The following PPP1R1C variants were observed in gnomAD, a reference collection of about 807,000 sequenced individuals.
The protein encoded by PPP1R1C is protein phosphatase 1 regulatory inhibitor subunit 1C.
A neutral mutation model predicts 17.4 loss-of-function variants in PPP1R1C; 15 were observed. The observed-to-expected ratio is 0.86, with a 90% CI of 0.58 to 1.33. The LOEUF is 1.33. Among genes scored for constraint, PPP1R1C ranks in the 40% most tolerant of loss-of-function variants. PPP1R1C has a pLI of 0.00. For missense variants in PPP1R1C, 143 were observed against 130.0 expected (o/e 1.10, Z -0.48); for synonymous variants, 35 against 43.1 (o/e 0.81, Z 0.73).
chr2:182,009,334 G>A (rs1466531673), intron 2 of PPP1R1C, among the ~76,000 whole-genome samples: 1 of 152,138 alleles, frequency 6.6e-6, no homozygotes, highest in Non-Finnish European at 1.5e-5. Context: ...TAACTGGCAT[G>A]AGATGATATC....
At chr2:182,052,083 T>C (rs1687538910) in intron 2 of PPP1R1C, among the ~76,000 whole-genome samples, 1 of 152,206 alleles carries the variant, frequency 6.6e-6, no homozygotes. Flanking sequence ...TCTAGATTGA[T>C]GATTTTTAAA....
At chr2:182,084,504 C>T (rs528332842) in intron 4 of PPP1R1C, among the ~76,000 whole-genome samples, 29 of 152,186 alleles carry the variant, frequency 1.9e-4, no homozygotes, top group African/African-American at 5.3e-4. Flanking sequence ...GTTTTCTCAG[C>T]GCCATTTATT....
intron 2 of PPP1R1C, among the ~76,000 whole-genome samples, chr2:182,051,199 A>G (rs1687505894): frequency 6.6e-6 from 1 of 152,332 alleles, no homozygotes; most frequent in East Asian, 1.9e-4. Context: ...CTGCAATCTT[A>G]TTAGTGTTTT....
At chr2:182,034,572 T>C (rs1686945588) in intron 2 of PPP1R1C, among the ~76,000 whole-genome samples, 1 of 152,210 alleles carries the variant, frequency 6.6e-6, no homozygotes, top group Admixed American at 6.5e-5. Flanking sequence ...TCTCCACAAA[T>C]AGACTATAAA....
At chr2:181,987,779 G>A (rs961687264) in intron 1 of PPP1R1C, 60 bp from the exon 2 acceptor site, 31 of 1,560,184 alleles carry the variant, frequency 2.0e-5, no homozygotes, top group Non-Finnish European at 2.6e-5. Flanking sequence ...GCAAGCTGCA[G>A]AGTAACCTGG....
intron 4 of PPP1R1C, among the ~76,000 whole-genome samples, chr2:182,109,330 G>C (rs749528546): frequency 1.3e-5 from 2 of 152,122 alleles, no homozygotes; most frequent in African/African-American, 4.8e-5. Flanking sequence ...TCACAGAGCA[G>C]ATGTTTTAAT....
chr2:182,061,642 C>G (rs1687854566), intron 3 of PPP1R1C, among the ~76,000 whole-genome samples, 163 bp downstream of exon 3: 1 of 152,104 alleles, frequency 6.6e-6, no homozygotes, highest in Non-Finnish European at 1.5e-5. Context: ...AAATCTCTGC[C>G]TCTCAGTTAC....
At chr2:182,083,670 G>A (rs1314561704) in intron 4 of PPP1R1C, among the ~76,000 whole-genome samples, 1 of 152,056 alleles carries the variant, frequency 6.6e-6, no homozygotes, top group South Asian at 2.1e-4. Context: ...TGGTTGATGG[G>A]CACTTAGTTT....
At chr2:181,955,460 A>G (rs541205402) in intron 1 of PPP1R1C, among the ~76,000 whole-genome samples, 1 of 152,324 alleles carries the variant, frequency 6.6e-6, no homozygotes, top group South Asian at 2.1e-4. Context: ...GATTTTTGTC[A>G]ATCAAGGAAA....
intron 4 of PPP1R1C, among the ~76,000 whole-genome samples, chr2:182,074,351 C>T (rs1369183059): frequency 6.6e-6 from 1 of 152,042 alleles, no homozygotes; most frequent in Non-Finnish European, 1.5e-5. Flanking sequence ...AAAAATTCTT[C>T]TATGATAAGT....
At chr2:182,107,639 G>T (rs1299345873) in intron 4 of PPP1R1C, among the ~76,000 whole-genome samples, 1 of 152,030 alleles carries the variant, frequency 6.6e-6, no homozygotes, top group African/African-American at 2.4e-5. Flanking sequence ...AACCTCTGAT[G>T]GGCACTTAGT....
chr2:182,054,739 C>T (rs192564327), intron 2 of PPP1R1C, among the ~76,000 whole-genome samples: 1 of 152,134 alleles, frequency 6.6e-6, no homozygotes, highest in Non-Finnish European at 1.5e-5. Flanking sequence ...CAGCTCACTG[C>T]AGCCTCTGCC....
chr2:181,995,612 G>A (rs1269510178), intron 2 of PPP1R1C, among the ~76,000 whole-genome samples: 1 of 152,134 alleles, frequency 6.6e-6, no homozygotes, highest in East Asian at 1.9e-4. Context: ...AAATTTGATA[G>A]AAAAAATTAC....
At chr2:182,119,924 G>A (rs1574467109), downstream of PPP1R1C, among the ~76,000 whole-genome samples, 1 of 152,190 alleles carries the variant, frequency 6.6e-6, no homozygotes, top group Non-Finnish European at 1.5e-5. Context: ...GATCCCATTT[G>A]TCAGTTTTGG....
rs894212388 is a variant in PPP1R1C at position 181,965,084 on chromosome 2, T to C, written n.112-10135T>C. Reference sequence around the variant, plus strand: ...TGCCTTTTCATATACCTGTTTGCCATTTATATATCTTCTTTTGATAAATCT... The same window carrying C: ...TGCCTTTTCATATACCTGTTTGCCACTTATATATCTTCTTTTGATAAATCT... On this transcript the variant is annotated intron_variant and non_coding_transcript_variant, in intron 1 of 5. Transcript: ENST00000464264. 4.0e-5 allele frequency among the ~76,000 whole-genome samples: 6 copies of C among 151,554 alleles called. No homozygotes were observed. The South Asian group carries it at 6.2e-4, about 16-fold the overall frequency.
At chr2:182,029,374 C>T (rs1278839452) in intron 2 of PPP1R1C, among the ~76,000 whole-genome samples, 2 of 152,116 alleles carry the variant, frequency 1.3e-5, no homozygotes, top group East Asian at 3.9e-4. Flanking sequence ...CCATGTTTAG[C>T]ACTTCCTTCA....
intron 2 of PPP1R1C, among the ~76,000 whole-genome samples, chr2:181,993,565 C>T (rs1382583788): frequency 1.3e-5 from 2 of 151,818 alleles, no homozygotes; most frequent in African/African-American, 2.4e-5. Flanking sequence ...AATGACAATA[C>T]AAAAAAATGG....
At chr2:182,078,695 C>T (rs775955060) in intron 4 of PPP1R1C, among the ~76,000 whole-genome samples, 1 of 152,176 alleles carries the variant, frequency 6.6e-6, no homozygotes, top group Non-Finnish European at 1.5e-5. Flanking sequence ...AAATCTGTGT[C>T]GTCTTCTTCC....
At chr2:182,102,063 A>T (rs1360466762) in intron 4 of PPP1R1C, among the ~76,000 whole-genome samples, 1 of 152,210 alleles carries the variant, frequency 6.6e-6, no homozygotes, top group Non-Finnish European at 1.5e-5. Context: ...TCATTTGACA[A>T]ATTAGCACAA....
Sources: gnomAD v4.1 joint callset for allele counts (sites outside exome capture counted in the v4.1 genomes callset) on GRCh38, gnomAD v4.1.1 for gene constraint, MANE v1.5 for transcripts, NCBI Gene and HGNC (gene_info 2026-07-23, HGNC 2026-07-21) for gene names.